OPCML: variants seen among roughly 807,000 people sequenced by gnomAD.
The protein encoded by OPCML is opioid binding protein/cell adhesion molecule like, also known as opioid-binding protein/cell adhesion molecule.
Under a neutral mutation model 37.8 loss-of-function variants are expected in OPCML, and 13 were observed. The ratio of observed to expected loss-of-function variants is 0.34; its 90% CI spans 0.22 to 0.55. OPCML has a LOEUF of 0.55. Among genes scored for constraint, OPCML ranks in the 20% least tolerant of loss-of-function variants. The pLI, the probability that OPCML is intolerant of heterozygous loss-of-function variation, is 0.91. For missense variants in OPCML, 341 were observed against 435.6 expected, an observed-to-expected ratio of 0.78 and a Z score of 1.93; for synonymous variants, 176 against 168.8, an observed-to-expected ratio of 1.04 and a Z score of -0.33.
chr11:133,403,747 T>C (rs2136845363), intron 1 of OPCML, among the ~76,000 whole-genome samples: 1 of 152,368 alleles, frequency 6.6e-6, no homozygotes, highest in South Asian at 2.1e-4. Flanking sequence ...TCCTTTTATT[T>C]AATTTCAAAT....
chr11:133,266,610 C>T (rs1348122699), intron 1 of OPCML, among the ~76,000 whole-genome samples: 1 of 152,114 alleles, frequency 6.6e-6, no homozygotes, highest in East Asian at 1.9e-4. Context: ...CACTATCTGG[C>T]ATGTATTAGG....
chr11:133,255,995 T>C (rs911954594), intron 1 of OPCML, among the ~76,000 whole-genome samples: 1 of 152,246 alleles, frequency 6.6e-6, no homozygotes, highest in Admixed American at 6.5e-5. Context: ...TAATTTATTC[T>C]GTCATTCACC....
At chr11:133,062,753 G>C (rs1948371004) in intron 1 of OPCML, among the ~76,000 whole-genome samples, 1 of 152,180 alleles carries the variant, frequency 6.6e-6, no homozygotes, top group African/African-American at 2.4e-5. Context: ...TGGGGTTTAG[G>C]GCTGCCTCAG....
At chr11:132,562,727 G>T (rs748637212) in intron 3 of OPCML, among the ~76,000 whole-genome samples, 3 of 152,032 alleles carry the variant, frequency 2.0e-5, no homozygotes, top group Non-Finnish European at 4.4e-5. Context: ...CTGGCAGGAA[G>T]TTATCCAAGC....
chr11:133,201,855 G>T (rs1407196253), intron 1 of OPCML, among the ~76,000 whole-genome samples: 1 of 152,150 alleles, frequency 6.6e-6, no homozygotes, highest in Non-Finnish European at 1.5e-5. Flanking sequence ...TTATCTGCCA[G>T]TATTTACCTC....
chr11:132,943,146 C>T lies in OPCML; in HGVS notation c.62-136G>A, dbSNP rs544096790. On this transcript the variant is annotated intron_variant, in intron 1 of 7. Coordinates refer to ENST00000524381, the MANE Select transcript of OPCML (RefSeq NM_001012393.5). The surrounding 1 kb of genome is among the most constrained non-coding windows in gnomAD (Gnocchi z 4.3). ...CGGCAGCCGCACAGTCCTGGTCCCCCGCCCCGCGCACCAGCGGGCTCGGGA... is the reference window on the plus strand; with the variant it reads ...CGGCAGCCGCACAGTCCTGGTCCCCTGCCCCGCGCACCAGCGGGCTCGGGA... 1 of 1,603,822 alleles carries T rather than the reference C, an allele frequency of 6.2e-7. No homozygotes were observed. Among genetic ancestry groups the T allele is most frequent in the South Asian group, 1.1e-5 (1 of 90,702 alleles).
intron 1 of OPCML, among the ~76,000 whole-genome samples, chr11:133,217,721 C>T (rs980083517): frequency 6.6e-6 from 1 of 152,132 alleles, no homozygotes; most frequent in Admixed American, 6.5e-5. Flanking sequence ...TTTTTCATTG[C>T]TGGGCAGATT....
At chr11:132,774,819 G>T (rs905109958) in intron 2 of OPCML, among the ~76,000 whole-genome samples, 1 of 152,166 alleles carries the variant, frequency 6.6e-6, no homozygotes. Flanking sequence ...CATACAGTAG[G>T]TGATTAATAC....
intron 1 of OPCML, among the ~76,000 whole-genome samples, chr11:133,518,229 G>A (rs771468454): frequency 1.6e-4 from 25 of 151,994 alleles, no homozygotes; most frequent in Non-Finnish European, 3.7e-4. Flanking sequence ...GTGGGGGGGT[G>A]TGTTTGTGCT....
At chr11:132,490,723 G>A (rs997079441) in intron 4 of OPCML, among the ~76,000 whole-genome samples, 1 of 151,716 alleles carries the variant, frequency 6.6e-6, no homozygotes, top group Non-Finnish European at 1.5e-5. Flanking sequence ...AGAGGCTGGG[G>A]CAGGAGGATG....
chr11:132,722,986 G>C (rs1241073681), intron 2 of OPCML, among the ~76,000 whole-genome samples: 1 of 152,158 alleles, frequency 6.6e-6, no homozygotes, highest in Non-Finnish European at 1.5e-5. Flanking sequence ...AGACCAGTCT[G>C]ACCCCAGAGA....
chr11:133,418,460 A>G, intron 1 of OPCML: 1 of 985,380 alleles, frequency 1.0e-6, no homozygotes, highest in Non-Finnish European at 1.2e-6. Context: ...TGGTGTTTCT[A>G]GTATCTGTGG....
At chr11:133,112,990 C>G (rs1326904578) in intron 1 of OPCML, among the ~76,000 whole-genome samples, 1 of 152,184 alleles carries the variant, frequency 6.6e-6, no homozygotes, top group Non-Finnish European at 1.5e-5. Flanking sequence ...TTCACAATTC[C>G]CATCTGCAAT....
At chr11:132,522,261 A>G (rs1315552799) in intron 4 of OPCML, among the ~76,000 whole-genome samples, 1 of 152,216 alleles carries the variant, frequency 6.6e-6, no homozygotes, top group Admixed American at 6.5e-5. Context: ...TATCACAAAT[A>G]AAACTGCTAT....
intron 4 of OPCML, among the ~76,000 whole-genome samples, chr11:132,459,825 A>G (rs1045702178): frequency 1.3e-5 from 2 of 152,222 alleles, no homozygotes; most frequent in Admixed American, 1.3e-4. Context: ...AGCTCATGAA[A>G]GCAAATACAA....
At chr11:133,398,352 C>T (rs1945330762) in intron 1 of OPCML, among the ~76,000 whole-genome samples, 1 of 152,172 alleles carries the variant, frequency 6.6e-6, no homozygotes, top group African/African-American at 2.4e-5. Flanking sequence ...CCTGTCTGCT[C>T]AGGACAGAGC....
At chr11:133,209,434 C>A (rs917834020) in intron 1 of OPCML, among the ~76,000 whole-genome samples, 5 of 152,166 alleles carry the variant, frequency 3.3e-5, no homozygotes, top group African/African-American at 1.2e-4. Flanking sequence ...AATAGAAATG[C>A]AAGTGTGTAG....
At position 132,755,877 on chromosome 11, in the gene OPCML, C is replaced by A. The variant is rs372199113; in HGVS notation, c.147-98558G>T. ...CTAATGCTGGTGAGGAGCACACCAC[C>A]CCTTGACAAGAGTGATGTGGCCTCG... On this transcript the variant is annotated intron_variant, in intron 2 of 7. Coordinates refer to ENST00000524381, the MANE Select transcript of OPCML (RefSeq NM_001012393.5). Among the ~76,000 whole-genome samples the A allele has an allele frequency of 2.1e-4, 32 of 152,284 alleles. 1 individual carries two copies. In the East Asian group the frequency reaches 2.3e-3, roughly 11 times the overall value.
At chr11:133,036,429 C>T (rs931553403) in intron 1 of OPCML, among the ~76,000 whole-genome samples, 1 of 152,212 alleles carries the variant, frequency 6.6e-6, no homozygotes, top group African/African-American at 2.4e-5. Context: ...TTTACATGCC[C>T]ACATGCTATA....
Sources: allele counts gnomAD v4.1 joint callset (sites outside exome capture counted in the v4.1 genomes callset), GRCh38; gene constraint gnomAD v4.1.1; non-coding constraint Gnocchi (gnomAD v3.1); transcripts MANE v1.5; gene names NCBI Gene and HGNC (gene_info 2026-07-23, HGNC 2026-07-21).